Variants in CELF4 observed in about 807,000 individuals in gnomAD.
The protein encoded by CELF4 is CUG-BP- and ETR-3-like factor 4.
In CELF4, 18 loss-of-function variants were observed where a neutral mutation model predicts 59.9. That is an observed-to-expected ratio of 0.30 (90% CI 0.21 to 0.45). The LOEUF (loss-of-function observed/expected upper bound fraction) is 0.45, where lower values mean the gene tolerates loss of function less well. Ranked by LOEUF, CELF4 falls within the 20% of genes least tolerant of loss-of-function variation. The probability of loss-of-function intolerance (pLI) is 1.00; values close to 1 mark genes in which losing one functional copy is unlikely to be tolerated. For synonymous variants in CELF4, 261 were observed against 267.1 expected (o/e 0.98, Z 0.22); for missense variants, 456 against 689.0 (o/e 0.66, Z 3.79).
chr18:37,549,209 C>T (rs1204883841), intron 1 of CELF4, among the ~76,000 whole-genome samples: 1 of 152,206 alleles, frequency 6.6e-6, no homozygotes, highest in South Asian at 2.1e-4. Context: ...GTAGCATTTG[C>T]TATTTTTCTG....
intron 1 of CELF4, among the ~76,000 whole-genome samples, chr18:37,536,117 C>G (rs1258361699): frequency 6.6e-6 from 1 of 151,976 alleles, no homozygotes; most frequent in Non-Finnish European, 1.5e-5. Context: ...CCCCTGACGC[C>G]TGGACATTTT....
intron 2 of CELF4, among the ~76,000 whole-genome samples, chr18:37,365,481 A>T (rs1378542044): frequency 1.0e-5 from 1 of 97,760 alleles, no homozygotes; most frequent in South Asian, 3.8e-4. Context: ...GGATGGGGCA[A>T]TTTTTTTTTT....
chr18:37,319,570 T>A lies in CELF4; in HGVS notation c.448+2233A>T, dbSNP rs905393295. 6.6e-5 allele frequency among the ~76,000 whole-genome samples: 10 copies of A among 152,164 alleles called. No individual in the cohort carries two copies. In the South Asian group the frequency reaches 1.0e-3, roughly 16 times the overall value. On this transcript the variant is annotated intron_variant, in intron 3 of 12. Transcript: ENST00000420428. ...TGGGGCTGGAGGGCAGAGGCCTGAC[T>A]GAGGGGATGAAGGAGTGTTCTGAGC... is the stretch of plus-strand genomic sequence containing the variant.
chr18:37,406,487 A>G (rs542667810), intron 2 of CELF4, among the ~76,000 whole-genome samples: 2 of 152,266 alleles, frequency 1.3e-5, no homozygotes, highest in African/African-American at 4.8e-5. Flanking sequence ...AAGAGGGTGA[A>G]TGTGCTGCTG....
intron 3 of CELF4, among the ~76,000 whole-genome samples, chr18:37,308,734 T>C (rs1381358636): frequency 6.6e-6 from 1 of 151,370 alleles, no homozygotes; most frequent in Admixed American, 6.6e-5. Flanking sequence ...AGTGCCAGGA[T>C]TTGGTGTCTA....
chr18:37,271,310 AG>A (rs987307897), intron 7 of CELF4, among the ~76,000 whole-genome samples: 20 of 134,354 alleles, frequency 1.5e-4, no homozygotes, highest in Admixed American at 9.7e-4. Flanking sequence ...GCTGGAGTAC[AG>A]TGGTGCAATC....
chr18:37,450,949 C>T (rs2099761852), intron 2 of CELF4, among the ~76,000 whole-genome samples: 1 of 152,210 alleles, frequency 6.6e-6, no homozygotes, highest in Non-Finnish European at 1.5e-5. Flanking sequence ...CACTTGTGGA[C>T]CTGCCAAAGC....
intron 2 of CELF4, among the ~76,000 whole-genome samples, chr18:37,396,765 G>A (rs1027413031): frequency 6.6e-6 from 1 of 152,166 alleles, no homozygotes; most frequent in Admixed American, 6.5e-5. Context: ...CCCACACCTT[G>A]TAGGGTGTGA....
At position 37,433,584 on chromosome 18, in the gene CELF4, T is replaced by C. The variant is rs559962315; in HGVS notation, c.369+51941A>G. Among the ~76,000 whole-genome samples the C allele has an allele frequency of 6.6e-5, 10 of 152,314 alleles. No individual in the cohort carries two copies. In the South Asian group the frequency reaches 2.1e-3, roughly 32 times the overall value. ...CGTTTGAGCTTTTGTTTTTGGGAGT[T>C]ATCTCAAAGTGCCAGGTCGGGGCCA... is the stretch of plus-strand genomic sequence containing the variant. On this transcript the variant is annotated intron_variant, in intron 2 of 12. Transcript: ENST00000420428.
At chr18:37,554,144 G>A (rs1260589348) in intron 1 of CELF4, among the ~76,000 whole-genome samples, 1 of 152,204 alleles carries the variant, frequency 6.6e-6, no homozygotes, top group Non-Finnish European at 1.5e-5. Flanking sequence ...TACCCTCTGA[G>A]GCTGTGCCCA....
At chr18:37,487,727 G>A (rs1486433058) in intron 1 of CELF4, among the ~76,000 whole-genome samples, 3 of 152,202 alleles carry the variant, frequency 2.0e-5, no homozygotes, top group African/African-American at 7.2e-5. Flanking sequence ...AAGGTCAGGG[G>A]CAGGTTTGAG....
intron 3 of CELF4, among the ~76,000 whole-genome samples, chr18:37,318,344 C>T (rs55994645): frequency 0.057 from 8,689 of 151,748 alleles, 314 homozygotes; most frequent in Middle Eastern, 0.11. Flanking sequence ...CTTCTCTCCT[C>T]TCCTCCTGCC....
intron 2 of CELF4, among the ~76,000 whole-genome samples, chr18:37,443,950 T>C (rs1005388899): frequency 1.3e-5 from 2 of 152,194 alleles, no homozygotes; most frequent in Non-Finnish European, 2.9e-5. Context: ...CAACTGAATA[T>C]GGGCCTGACG....
At chr18:37,470,885 T>TGAGAGAGAGAGAGAGAGAGA (rs1569569558) in intron 2 of CELF4, among the ~76,000 whole-genome samples, 12 of 79,594 alleles carry the variant, frequency 1.5e-4, no homozygotes, top group Admixed American at 3.3e-4. Context: ...TGTGTGTGTG[T>TGAGAGAGAGAGAGAGAGAGA]GTGACAGAGA....
At chr18:37,286,310 G>A (rs58293356) in intron 3 of CELF4, among the ~76,000 whole-genome samples, 360 of 152,330 alleles carry the variant, frequency 2.4e-3, no homozygotes, top group African/African-American at 8.1e-3. Context: ...TTAGCTGGGC[G>A]CAGAGCTGCA....
intron 2 of CELF4, among the ~76,000 whole-genome samples, chr18:37,369,905 G>A (rs1454239849): frequency 1.3e-5 from 2 of 152,248 alleles, no homozygotes; most frequent in Non-Finnish European, 2.9e-5. Context: ...CATGAGAGCT[G>A]TGCCTGTCTC....
chr18:37,430,148 A>G (rs967883810), intron 2 of CELF4, among the ~76,000 whole-genome samples: 2 of 152,122 alleles, frequency 1.3e-5, no homozygotes, highest in African/African-American at 4.8e-5. Flanking sequence ...ACCCCACCTC[A>G]GCCTGAGCTG....
intron 2 of CELF4, among the ~76,000 whole-genome samples, chr18:37,338,796 T>TGTG (rs2097879395): frequency 1.6e-5 from 2 of 126,830 alleles, no homozygotes; most frequent in African/African-American, 3.1e-5. Flanking sequence ...GTGTGTGTGG[T>TGTG]GTGTGTGATC....
intron 2 of CELF4, among the ~76,000 whole-genome samples, chr18:37,372,324 C>T (rs1478710990): frequency 6.6e-6 from 1 of 152,156 alleles, no homozygotes; most frequent in Admixed American, 6.5e-5. Flanking sequence ...AGTTCATGTC[C>T]TTTGTAGGGA....
Sources: gnomAD v4.1 joint callset for allele counts (sites outside exome capture counted in the v4.1 genomes callset) on GRCh38, gnomAD v4.1.1 for gene constraint, MANE v1.5 for transcripts, NCBI Gene and HGNC (gene_info 2026-07-23, HGNC 2026-07-21) for gene names.